The following DIS3L variants were observed in gnomAD, a reference collection of about 807,000 sequenced individuals.
The protein encoded by DIS3L is DIS3 like exosome 3'-5' exoribonuclease.
DIS3L carries 100 observed loss-of-function variants against 120.3 expected under a neutral mutation model. The observed-to-expected ratio is 0.83, with a 90% CI of 0.71 to 0.98. The LOEUF is 0.98. Ranked by LOEUF, DIS3L falls within the 50% of genes least tolerant of loss-of-function variation. The pLI, the probability that DIS3L is intolerant of heterozygous loss-of-function variation, is 0.00. For synonymous variants in DIS3L, 426 were observed against 470.6 expected, an observed-to-expected ratio of 0.91 and a Z score of 1.23; for missense variants, 1,196 against 1,314.2, an observed-to-expected ratio of 0.91 and a Z score of 1.39.
chr15:66,301,271 A>ATATTTATT (rs59588832), intron 2 of DIS3L, among the ~76,000 whole-genome samples: 1,845 of 150,898 alleles, frequency 0.012, 44 homozygotes, highest in African/African-American at 0.042. Flanking sequence ...AGTTGAATTT[A>ATATTTATT]TATTTATTTA....
rs147438451 is a variant in DIS3L, at chr15:66,320,658, G to A, written c.1252G>A (p.Gly418Arg). 82 of 1,613,982 alleles carry A rather than the reference G, an allele frequency of 5.1e-5. No individual in the cohort carries two copies. Among genetic ancestry groups the A allele is most frequent in the Middle Eastern group, 1.7e-4 (1 of 6,058 alleles). Residue 418 changes from glycine to arginine, a missense_variant, in exon 9 of 17, where the codon GGA (glycine) becomes AGA (arginine). Gly to Arg is a moderately radical substitution (Grantham distance 125, BLOSUM62 -2). Coordinates refer to ENST00000319212, the MANE Select transcript of DIS3L (RefSeq NM_001143688.3). ...GHFVRVLGRIGDLEGEIATIL... is the reference protein window; with the variant it reads ...GHFVRVLGRIRDLEGEIATIL... Reference sequence around the variant, plus strand: ...TTTTGTGCGTGTTTTAGGAAGAATCGGAGATCTGGAAGGGGAAATTGCAAC... The same window carrying A: ...TTTTGTGCGTGTTTTAGGAAGAATCAGAGATCTGGAAGGGGAAATTGCAAC...
rs371726365 is a variant in DIS3L at position 66,326,742 on chromosome 15, G to A, written c.2201+378G>A. Among the ~76,000 whole-genome samples, 3 of 152,016 alleles carry A rather than the reference G, an allele frequency of 2.0e-5. No individual in the cohort carries two copies. In the East Asian group the frequency reaches 5.8e-4, roughly 29 times the overall value. On this transcript the variant is annotated intron_variant, in intron 12 of 16. Coordinates refer to ENST00000319212, the MANE Select transcript of DIS3L (RefSeq NM_001143688.3). Reference sequence around the variant, plus strand: ...CTACAGGCACACGCCACCATGCCTGGCTAATTTTTTTGTATTTTTAGTAGA... The same window carrying A: ...CTACAGGCACACGCCACCATGCCTGACTAATTTTTTTGTATTTTTAGTAGA...
In DIS3L at chr15:66,325,945, A is replaced by G. The variant is rs550639406; in HGVS notation, c.1782A>G (p.Gln594=). Reference sequence around the variant, plus strand: ...ACAAACTGTTCTATGAAGCAGCCCAAGAACTACTGGATGGAAACTTAAGCG... The same window carrying G: ...ACAAACTGTTCTATGAAGCAGCCCAGGAACTACTGGATGGAAACTTAAGCG... ...SAYKLFYEAA[Q]ELLDGNLSVV... is the part of the protein sequence containing the mutation. Residue 594 remains glutamine (Q), a synonymous_variant, in exon 12 of 17, where the codon CAA becomes CAG. Coordinates refer to ENST00000319212, the MANE Select transcript of DIS3L (RefSeq NM_001143688.3). The G allele has an allele frequency of 5.6e-6, 9 of 1,614,232 alleles. No individual in the cohort carries two copies. The South Asian group carries it at 7.7e-5, about 14-fold the overall frequency.
intron 1 of DIS3L, chr15:66,294,506 A>G (rs2092564149): frequency 3.0e-6 from 3 of 985,962 alleles, no homozygotes; most frequent in Non-Finnish European, 3.6e-6. Flanking sequence ...CTGGTGGGAA[A>G]CCTCACCTCT....
At position 66,311,806 on chromosome 15, in the gene DIS3L, A is replaced by T; in HGVS notation, c.641A>T (p.Glu214Val). 6.2e-7 allele frequency: 1 copy of T among 1,614,066 alleles called. No individual in the cohort carries two copies. Among genetic ancestry groups the T allele is most frequent in the South Asian group, 1.1e-5 (1 of 91,082 alleles). ...DSILQSRRERENESQESHGKE... is the reference protein window; with the variant it reads ...DSILQSRRERVNESQESHGKE... ...ATCCTTCAGTCTCGACGGGAGAGAGAGAATGAGAGTCAGGAGAGCCATGGG... is the reference window on the plus strand; with the variant it reads ...ATCCTTCAGTCTCGACGGGAGAGAGTGAATGAGAGTCAGGAGAGCCATGGG... Residue 214 changes from glutamate (E) to valine (V), a missense_variant, in exon 5 of 17, where the codon GAG (glutamate) becomes GTG (valine). Glu to Val is a moderately radical substitution (Grantham distance 121). Transcript: ENST00000319212.
intron 12 of DIS3L, 125 bp downstream of exon 12, chr15:66,326,489 C>T (rs1456346157): frequency 3.0e-5 from 33 of 1,108,148 alleles, no homozygotes; most frequent in East Asian, 5.2e-5. Flanking sequence ...TCTTGGCTCT[C>T]CTCATTTTTG....
At chr15:66,314,157 T>G in intron 6 of DIS3L, 40 bp downstream of exon 6, 1 of 1,394,446 alleles carries the variant, frequency 7.2e-7, no homozygotes, top group Non-Finnish European at 9.4e-7. Context: ...TACTCCTTTT[T>G]TATTCTGACG....
rs571288189 is a variant in DIS3L at position 66,323,403 on chromosome 15, T to C, written c.1575-90T>C. 9.6e-6 allele frequency: 12 copies of C among 1,244,606 alleles called. No individual in the cohort carries two copies. The South Asian group carries it at 1.5e-4, about 15-fold the overall frequency. The allele number at this position is 1,244,606 out of a possible 1,614,324, so 77.1% of individuals were successfully genotyped here. On this transcript the variant is annotated intron_variant, in intron 10 of 16. Coordinates refer to ENST00000319212, the MANE Select transcript of DIS3L (RefSeq NM_001143688.3). ...AGCCTTGGGGAATCTGTAGTGAGAT[T>C]TTGGCCATTTACCTCCCTGCGGCCC... is the stretch of plus-strand genomic sequence containing the variant.
chr15:66,326,283 G>A lies in DIS3L; in HGVS notation c.2120G>A (p.Arg707His), dbSNP rs763013247. 5 of 1,613,996 alleles carry A rather than the reference G, an allele frequency of 3.1e-6. No individual in the cohort carries two copies. Among genetic ancestry groups the A allele is most frequent in the African/African-American group, 2.7e-5 (2 of 74,926 alleles). The change falls in exon 12 of 17, where the codon CGC becomes CAC. Residue 707 changes from arginine to histidine, a missense_variant. By Grantham distance (29) the Arg-to-His change is conservative (BLOSUM62 0). Coordinates refer to ENST00000319212, the MANE Select transcript of DIS3L (RefSeq NM_001143688.3). ...WESFPHQALL[R>H]QHPPPHQEFF... ...AGCTTCCCTCATCAGGCCTTGCTGC[G>A]CCAGCACCCTCCTCCACACCAGGAG... is the stretch of plus-strand genomic sequence containing the variant.
chr15:66,305,684 C>G (rs920955654), intron 2 of DIS3L, among the ~76,000 whole-genome samples: 75 of 151,970 alleles, frequency 4.9e-4, no homozygotes, highest in African/African-American at 1.7e-3. Context: ...ACCACCATGC[C>G]CAGCTAATTT....
chr15:66,328,049 G>A (rs1450705726), intron 12 of DIS3L, among the ~76,000 whole-genome samples: 1 of 152,236 alleles, frequency 6.6e-6, no homozygotes, highest in Non-Finnish European at 1.5e-5. Flanking sequence ...TGTATGAGCT[G>A]TCTGCATGCC....
chr15:66,324,284 A>G (rs2092914896), intron 11 of DIS3L, among the ~76,000 whole-genome samples: 1 of 152,202 alleles, frequency 6.6e-6, no homozygotes, highest in African/African-American at 2.4e-5. Flanking sequence ...ATCTTTTGGT[A>G]TTACAAACAA....
rs763771657 is a variant in DIS3L at position 66,329,347 on chromosome 15, TCAG to T, written c.2486_2488del (p.Ser829del). ...AAAATGGAAATTAAGGGAAATCTGT[TCAG>T]CAACAAAGATCTTGAGGAATTATGC... On this transcript the variant is annotated inframe_deletion, in exon 14 of 17. Transcript: ENST00000319212. The T allele has an allele frequency of 3.7e-5, 59 of 1,613,680 alleles. No homozygotes were observed. The African/African-American group carries it at 6.8e-4, about 19-fold the overall frequency.
chr15:66,311,966 T>G lies in DIS3L; in HGVS notation c.735+66T>G. The G allele has an allele frequency of 1.9e-6, 3 of 1,576,270 alleles. No individual in the cohort carries two copies. In the South Asian group the frequency reaches 3.4e-5, roughly 18 times the overall value. Reference sequence around the variant, plus strand: ...TGGCTCATGCCTGTAATCCCAGCACTTTGGCTAAGGCTGATAGATTGCTTT... The same window carrying G: ...TGGCTCATGCCTGTAATCCCAGCACGTTGGCTAAGGCTGATAGATTGCTTT... On this transcript the variant is annotated intron_variant, in intron 5 of 16. Transcript: ENST00000319212.
chr15:66,309,143 T>C (rs2092735653), intron 4 of DIS3L, among the ~76,000 whole-genome samples: 1 of 126,862 alleles, frequency 7.9e-6, no homozygotes, highest in African/African-American at 2.9e-5. Context: ...TCCCAGCTAC[T>C]CAAGAGGCTG....
Position 66,311,946 on chromosome 15 carries a change from C to T in DIS3L, c.735+46C>T, listed in dbSNP as rs777258566. ...TGTGTCAGGGCTGGGCACAGTGGCT[C>T]ATGCCTGTAATCCCAGCACTTTGGC... is the stretch of plus-strand genomic sequence containing the variant. On this transcript the variant is annotated intron_variant, in intron 5 of 16. Transcript: ENST00000319212. 12 of 1,600,522 alleles carry T rather than the reference C, an allele frequency of 7.5e-6. No homozygotes were observed. The East Asian group carries it at 9.0e-5, about 12-fold the overall frequency.
chr15:66,316,043 C>T (rs573379732), intron 7 of DIS3L, among the ~76,000 whole-genome samples: 9 of 152,290 alleles, frequency 5.9e-5, no homozygotes, highest in East Asian at 1.9e-4. Flanking sequence ...CTGTTCTCTG[C>T]GCTCTCTCCC....
chr15:66,301,789 CCTGA>C (rs2092650943), intron 2 of DIS3L, among the ~76,000 whole-genome samples: 3 of 150,240 alleles, frequency 2.0e-5, no homozygotes, highest in South Asian at 2.1e-4. Flanking sequence ...TACAAGCAAA[CCTGA>C]CTGTCACACT....
intron 2 of DIS3L, among the ~76,000 whole-genome samples, chr15:66,300,569 A>C (rs1430942951): frequency 1.3e-5 from 2 of 152,262 alleles, no homozygotes; most frequent in African/African-American, 2.4e-5. Flanking sequence ...TATCTCAATA[A>C]AGCTGCTCTT....
Sources: allele counts gnomAD v4.1 joint callset (sites outside exome capture counted in the v4.1 genomes callset), GRCh38; gene constraint gnomAD v4.1.1; transcripts MANE v1.5; gene names NCBI Gene and HGNC (gene_info 2026-07-23, HGNC 2026-07-21).